Variants in SIPA1L2 observed in about 807,000 individuals in gnomAD.
The protein encoded by SIPA1L2 is signal-induced proliferation-associated 1-like protein 2.
Under a neutral mutation model 163.9 loss-of-function variants are expected in SIPA1L2, and 56 were observed. That is an observed-to-expected ratio of 0.34 (90% CI 0.28 to 0.43). SIPA1L2 has a LOEUF of 0.43. SIPA1L2 is among the 20% of genes least tolerant of loss of function. The pLI, the probability that SIPA1L2 is intolerant of heterozygous loss-of-function variation, is 1.00. For synonymous variants in SIPA1L2, 877 were observed against 865.7 expected (o/e 1.01, Z -0.23); for missense variants, 1,974 against 2,193.5 (o/e 0.90, Z 2.00).
intron 15 of SIPA1L2, among the ~76,000 whole-genome samples, chr1:232,438,861 C>G (rs934379474): frequency 5.3e-5 from 8 of 151,370 alleles, no homozygotes; most frequent in Admixed American, 4.6e-4. Flanking sequence ...ATTAATATCT[C>G]TATTGACTTT....
At chr1:232,483,249 CTTT>C (rs67543177) in intron 6 of SIPA1L2, among the ~76,000 whole-genome samples, 1 of 144,348 alleles carries the variant, frequency 6.9e-6, no homozygotes, top group African/African-American at 2.6e-5. Flanking sequence ...GATGCATCAG[CTTT>C]TTTTTTTTTT....
chr1:232,613,477 G>A (rs904119598), intron 1 of SIPA1L2, among the ~76,000 whole-genome samples: 1 of 152,180 alleles, frequency 6.6e-6, no homozygotes, highest in South Asian at 2.1e-4. Context: ...GGAGTCAAGG[G>A]AACCTTCTCC....
Position 232,493,088 on chromosome 1 carries a change from C to T in SIPA1L2, c.1617+439G>A, listed in dbSNP as rs368500215. On this transcript the variant is annotated intron_variant, in intron 4 of 22. Coordinates refer to ENST00000674635, the MANE Select transcript of SIPA1L2 (RefSeq NM_020808.5). ...TCTCATGACAGTGAGTGAGTTCTCA[C>T]AAGATCTGATGGTTTAAAAGTGTGT... Among the ~76,000 whole-genome samples, 108 of 152,200 alleles carry T rather than the reference C, an allele frequency of 7.1e-4. 2 individuals are homozygous for T. The highest frequency in any genetic ancestry group is 2.5e-3 in the African/African-American group (103 of 41,516).
intron 10 of SIPA1L2, among the ~76,000 whole-genome samples, chr1:232,450,504 G>C (rs991810721): frequency 6.6e-6 from 1 of 152,154 alleles, no homozygotes; most frequent in Non-Finnish European, 1.5e-5. Context: ...TGGATGTTCA[G>C]GTGAACACCA....
At chr1:232,564,134 GTTTT>G (rs368352108) in intron 2 of SIPA1L2, among the ~76,000 whole-genome samples, 1 of 53,008 alleles carries the variant, frequency 1.9e-5, no homozygotes, top group African/African-American at 1.3e-4. Flanking sequence ...GACGAAGGTT[GTTTT>G]TTTTTTTTTT....
intron 14 of SIPA1L2, 35 bp from the exon 15 acceptor site, chr1:232,439,531 G>T: frequency 6.3e-7 from 1 of 1,582,524 alleles, no homozygotes; most frequent in Non-Finnish European, 8.6e-7. Flanking sequence ...GTTCTCAAGT[G>T]AATCTTGAAC....
chr1:232,456,370 A>C (rs913779192), intron 10 of SIPA1L2, among the ~76,000 whole-genome samples: 1 of 152,190 alleles, frequency 6.6e-6, no homozygotes, highest in African/African-American at 2.4e-5. Flanking sequence ...TGAGAACATA[A>C]AGTTTTAATT....
chr1:232,439,189 T>C lies in SIPA1L2; in HGVS notation c.3950A>G (p.His1317Arg), dbSNP rs779956469. The change falls in exon 15 of 23, where the codon CAT (histidine) becomes CGT (arginine). Residue 1317 changes from histidine to arginine, a missense_variant. Coordinates refer to ENST00000674635, the MANE Select transcript of SIPA1L2 (RefSeq NM_020808.5). ...GGCGGAGATGGTGGACGCGTAGCCA[T>C]GCACAGAATATAACTTGGCTGGCTC... Reference protein sequence around the residue: ...DDEPAKLYSVHGYASTISAGS... With the variant: ...DDEPAKLYSVRGYASTISAGS... 9 of 1,613,788 alleles carry C rather than the reference T, an allele frequency of 5.6e-6. No homozygotes were observed. Among genetic ancestry groups the C allele is most frequent in the Admixed American group, 3.3e-5 (2 of 60,032 alleles).
At chr1:232,403,347 C>A in intron 21 of SIPA1L2, 101 bp downstream of exon 21, 1 of 1,443,082 alleles carries the variant, frequency 6.9e-7, no homozygotes. Flanking sequence ...GGGCATGGTG[C>A]AATATGGTCG....
At chr1:232,496,436 G>A (rs75264259) in intron 3 of SIPA1L2, among the ~76,000 whole-genome samples, 2,784 of 152,010 alleles carry the variant, frequency 0.018, 95 homozygotes, top group African/African-American at 0.064. Flanking sequence ...GTTCTTAAGC[G>A]ATGCATGGCT....
In SIPA1L2 at chr1:232,461,036, C is replaced by T. The variant is rs201320577; in HGVS notation, c.2946G>A (p.Lys982=). The change falls in exon 10 of 23, where the codon AAG becomes AAA. Residue 982 remains lysine (K), a synonymous_variant. Coordinates refer to ENST00000674635, the MANE Select transcript of SIPA1L2 (RefSeq NM_020808.5). The stretch of plus-strand genomic sequence containing the variant: ...GGCGGCTCCCTTGGCGAAGGCCAGC[C>T]TTCCAGGCAAAGCCAAAAGGTTCCA... ...ADVEPFGFAW[K]AGLRQGSRLV... The T allele has an allele frequency of 4.3e-6, 7 of 1,614,292 alleles. No homozygotes were observed. The Admixed American group carries it at 6.7e-5, about 15-fold the overall frequency.
At chr1:232,630,134 G>T (rs1202267756), upstream of SIPA1L2, among the ~76,000 whole-genome samples, 1 of 151,232 alleles carries the variant, frequency 6.6e-6, no homozygotes, top group African/African-American at 2.4e-5. Flanking sequence ...CTCCCAGTCT[G>T]CCGCGCCGGC....
chr1:232,493,695 T>C (rs1029504228), intron 3 of SIPA1L2, 35 bp from the exon 4 acceptor site: 4 of 1,610,654 alleles, frequency 2.5e-6, no homozygotes, highest in African/African-American at 2.7e-5. Flanking sequence ...ATCAAAAGAA[T>C]GAAAAAGGAA....
intron 1 of SIPA1L2, among the ~76,000 whole-genome samples, chr1:232,620,389 G>A (rs1280021863): frequency 6.6e-6 from 1 of 152,166 alleles, no homozygotes; most frequent in Non-Finnish European, 1.5e-5. Context: ...CTACAGCAAG[G>A]GAAGTACAGA....
At chr1:232,615,697 A>G (rs1662465317) in intron 1 of SIPA1L2, among the ~76,000 whole-genome samples, 1 of 152,230 alleles carries the variant, frequency 6.6e-6, no homozygotes, top group South Asian at 2.1e-4. Context: ...TCGAAGTTAT[A>G]GAATCTGTCA....
intron 1 of SIPA1L2, among the ~76,000 whole-genome samples, chr1:232,593,088 C>T (rs1273014125): frequency 6.6e-6 from 1 of 152,208 alleles, no homozygotes; most frequent in Non-Finnish European, 1.5e-5. Context: ...CAAAACGACT[C>T]TGAAGACAGC....
chr1:232,587,891 C>G (rs1397759475), intron 1 of SIPA1L2, among the ~76,000 whole-genome samples: 1 of 152,170 alleles, frequency 6.6e-6, no homozygotes. Flanking sequence ...CCACTTGGCT[C>G]TCACTCTTCT....
chr1:232,622,254 T>C (rs1279640262), intron 1 of SIPA1L2, among the ~76,000 whole-genome samples: 1 of 152,194 alleles, frequency 6.6e-6, no homozygotes, highest in African/African-American at 2.4e-5. Context: ...ATATTAAAGA[T>C]AAAAGACTTT....
At chr1:232,444,164 T>C (rs1663069558) in intron 11 of SIPA1L2, among the ~76,000 whole-genome samples, 1 of 152,194 alleles carries the variant, frequency 6.6e-6, no homozygotes, top group African/African-American at 2.4e-5. Context: ...ATTTTATCTT[T>C]TTTTCAGACA....
Sources: gnomAD v4.1 joint callset for allele counts (sites outside exome capture counted in the v4.1 genomes callset) on GRCh38, gnomAD v4.1.1 for gene constraint, MANE v1.5 for transcripts, NCBI Gene and HGNC (gene_info 2026-07-23, HGNC 2026-07-21) for gene names.